The following ZNF687 variants were observed in gnomAD, a reference collection of about 807,000 sequenced individuals.
The protein encoded by ZNF687 is zinc finger protein 687.
Under a neutral mutation model 71.8 loss-of-function variants are expected in ZNF687, and 13 were observed. That is an observed-to-expected ratio of 0.18 (90% CI 0.12 to 0.29). The LOEUF is 0.29. ZNF687 is among the 10% of genes least tolerant of loss of function. The pLI is 1.00. For missense variants in ZNF687, 1,412 were observed against 1,625.6 expected, an observed-to-expected ratio of 0.87 and a Z score of 2.26; for synonymous variants, 673 against 641.6, an observed-to-expected ratio of 1.05 and a Z score of -0.74.
intron 1 of ZNF687, chr1:151,283,764 T>TGGGGGTGAG (rs1196334160): frequency 1.1e-6 from 1 of 923,564 alleles, no homozygotes; most frequent in Non-Finnish European, 1.3e-6. Flanking sequence ...TTGAATAGGG[T>TGGGGGTGAG]GGGGGTGAGG....
chr1:151,291,582 T>G lies in ZNF687; in HGVS notation c.*373T>G. ...CATGGATGGACACACCTCTCCACAA[T>G]TCCTTCAGGCATGGACTGGAACTTT... On this transcript the variant is annotated 3_prime_UTR_variant, in exon 9 of 9. Coordinates refer to ENST00000336715, the MANE Select transcript of ZNF687 (RefSeq NM_020832.3). 5.6e-6 allele frequency: 1 copy of G among 179,996 alleles called. No homozygotes were observed. The highest frequency in any genetic ancestry group is 1.2e-5 in the Non-Finnish European group (1 of 85,112). 11.1% of individuals were successfully genotyped at this position (179,996 alleles called of 1,614,324 possible).
At position 151,288,224 on chromosome 1, in the gene ZNF687, A is replaced by G; in HGVS notation, c.1933A>G (p.Ile645Val). Residue 645 changes from isoleucine to valine, a missense_variant, in exon 2 of 9, where the codon ATT (isoleucine) becomes GTT (valine). By Grantham distance (29) the Ile-to-Val change is conservative. Transcript: ENST00000336715. ...KGEGAITSSA[I>V]TTVAAEAPVL... is the part of the protein sequence containing the mutation. Reference sequence around the variant, plus strand: ...TGAGGGGGCCATCACCTCCTCTGCCATTACTACAGTTGCTGCTGAGGCCCC... The same window carrying G: ...TGAGGGGGCCATCACCTCCTCTGCCGTTACTACAGTTGCTGCTGAGGCCCC... The G allele has an allele frequency of 2.5e-6, 4 of 1,613,656 alleles. No homozygotes were observed. The highest frequency in any genetic ancestry group is 1.1e-5 in the South Asian group (1 of 91,068).
chr1:151,291,143 G>A lies in ZNF687; in HGVS notation c.3648G>A (p.Lys1216=), dbSNP rs1694228410. The A allele has an allele frequency of 3.7e-6, 6 of 1,613,156 alleles. No homozygotes were observed. Among genetic ancestry groups the A allele is most frequent in the East Asian group, 2.2e-5 (1 of 44,854 alleles). The change falls in exon 9 of 9, where the codon AAG becomes AAA. Residue 1216 remains lysine (K), a synonymous_variant. Transcript: ENST00000336715. ...GKSCDSPLNL[K]THFRTHGMAF... ...GCTGCGACAGCCCTCTAAACCTCAA[G>A]ACCCACTTCCGCACGCATGGCATGG...
At chr1:151,289,570 G>A (rs779643788) in intron 5 of ZNF687, 30 bp downstream of exon 5, 2 of 1,613,876 alleles carry the variant, frequency 1.2e-6, no homozygotes, top group African/African-American at 2.7e-5. Context: ...GGGAATGGGT[G>A]CTTAGCTGTA....
rs587609966 is a variant in ZNF687 at position 151,291,191 on chromosome 1, G to A, written c.3696G>A (p.Gly1232=). 3.4e-5 allele frequency: 54 copies of A among 1,611,032 alleles called. No individual in the cohort carries two copies. The Admixed American group carries it at 3.8e-4, about 11-fold the overall frequency. Residue 1232 remains glycine (G), a synonymous_variant, in exon 9 of 9, where the codon GGG becomes GGA. Coordinates refer to ENST00000336715, the MANE Select transcript of ZNF687 (RefSeq NM_020832.3). ...HGMAFIRARQ[G]AVGDN ...TGGCGTTCATCAGGGCTCGGCAGGG[G>A]GCTGTTGGGGACAACTAGTCTCCAA...
Position 151,287,778 on chromosome 1 carries a change from G to C in ZNF687, c.1487G>C (p.Ser496Thr), listed in dbSNP as rs1428841926. ...GGTVISRTQSSLVEAFNKILN... is the reference protein window; with the variant it reads ...GGTVISRTQSTLVEAFNKILN... Reference sequence around the variant, plus strand: ...ACAGTGATATCACGGACCCAGTCCAGCCTGGTGGAGGCCTTCAACAAGATC... The same window carrying C: ...ACAGTGATATCACGGACCCAGTCCACCCTGGTGGAGGCCTTCAACAAGATC... The change falls in exon 2 of 9, where the codon AGC (serine) becomes ACC (threonine). Residue 496 changes from serine to threonine, a missense_variant. This residue lies in a region of ZNF687 where 133 missense variants were observed against 155.1 expected (regional missense o/e 0.86). Transcript: ENST00000336715. This position sits in a 1 kb window ranked among gnomAD's most constrained non-coding sequence, Gnocchi z 5.0. The C allele has an allele frequency of 6.2e-7, 1 of 1,614,112 alleles. No individual in the cohort carries two copies. Among genetic ancestry groups the C allele is most frequent in the Non-Finnish European group, 8.5e-7 (1 of 1,180,022 alleles).
chr1:151,282,299 A>G lies in ZNF687; in HGVS notation c.-114A>G, dbSNP rs1693742803. On this transcript the variant is annotated 5_prime_UTR_variant, in exon 1 of 9. Transcript: ENST00000336715. ...TGGGGAGGCCGAACCGGAGAGAAGC[A>G]GGAAGTAGCGGCGGCCGCGGGGAGG... is the stretch of plus-strand genomic sequence containing the variant. The G allele has an allele frequency of 6.0e-6, 6 of 1,002,710 alleles. No homozygotes were observed. The highest frequency in any genetic ancestry group is 7.2e-6 in the Non-Finnish European group (6 of 837,806). 62.1% of individuals were successfully genotyped at this position (1,002,710 alleles called of 1,614,324 possible).
upstream of ZNF687, chr1:151,281,960 C>A (rs369920113): frequency 1.0e-5 from 12 of 1,181,542 alleles, no homozygotes; most frequent in Non-Finnish European, 1.2e-5. Flanking sequence ...GGGTGCTCCC[C>A]CTTCCAGTAG....
rs1694056445 is a variant in ZNF687 at position 151,288,542 on chromosome 1, C to T, written c.2130C>T (p.Cys710=). Residue 710 remains cysteine (C), a synonymous_variant, in exon 3 of 9, where the codon TGC becomes TGT. Coordinates refer to ENST00000336715, the MANE Select transcript of ZNF687 (RefSeq NM_020832.3). ...PGATSNVCPT[C]PMMLPNRCSF... ...CCACTCGACAGGTGTGCCCAACCTG[C>T]CCCATGATGCTCCCCAATCGCTGCA... 1.9e-5 allele frequency: 30 copies of T among 1,606,902 alleles called. No homozygotes were observed. The highest frequency in any genetic ancestry group is 2.5e-5 in the Non-Finnish European group (29 of 1,175,390).
Position 151,291,810 on chromosome 1 carries a change from G to C in ZNF687, c.*601G>C, listed in dbSNP as rs1213240962. ...AGGAGAGGAGGGGACAGGCTCTCAGGAATCCTTTATTCTTGTAGTAATAAT... is the reference window on the plus strand; with the variant it reads ...AGGAGAGGAGGGGACAGGCTCTCAGCAATCCTTTATTCTTGTAGTAATAAT... On this transcript the variant is annotated 3_prime_UTR_variant, in exon 9 of 9. Coordinates refer to ENST00000336715, the MANE Select transcript of ZNF687 (RefSeq NM_020832.3). 1 of 152,518 alleles carries C rather than the reference G, an allele frequency of 6.6e-6. No individual in the cohort carries two copies. The highest frequency in any genetic ancestry group is 2.4e-5 in the African/African-American group (1 of 41,396). 9.4% of individuals were successfully genotyped at this position (152,518 alleles called of 1,614,324 possible).
chr1:151,283,141 C>T, intron 1 of ZNF687: 13 of 985,456 alleles, frequency 1.3e-5, no homozygotes, highest in Non-Finnish European at 1.6e-5. Context: ...CCTCAGTTTC[C>T]CTTGTAGTTT....
rs587639001 is a variant in ZNF687, at chr1:151,291,404, C to T, written c.*195C>T. 3.0e-6 allele frequency: 2 copies of T among 671,294 alleles called. No homozygotes were observed. The highest frequency in any genetic ancestry group is 4.8e-6 in the Non-Finnish European group (2 of 412,480). 41.6% of individuals were successfully genotyped at this position (671,294 alleles called of 1,614,324 possible). On this transcript the variant is annotated 3_prime_UTR_variant, in exon 9 of 9. Transcript: ENST00000336715. The stretch of plus-strand genomic sequence containing the variant: ...TCCCTTTGGGTTTGGCCCTGGAGTC[C>T]TAGTAGAGTGGACCCTCCATTCCTC...
Position 151,285,876 on chromosome 1 carries a change from G to GT in ZNF687, c.-17-393dup, listed in dbSNP as rs1348198894. 3 of 155,274 alleles carry GT rather than the reference G, an allele frequency of 1.9e-5. No individual in the cohort carries two copies. The East Asian group carries it at 5.7e-4, about 29-fold the overall frequency. 9.6% of individuals were successfully genotyped at this position (155,274 alleles called of 1,614,324 possible). A position where few individuals can be genotyped will look rare whatever the true frequency, so the allele number is the denominator to read the frequency against. On this transcript the variant is annotated intron_variant, in intron 1 of 8. Transcript: ENST00000336715. Reference sequence around the variant, plus strand: ...AGGCATGTGCCACCACACCTGTCTAGTTTTTTGTATTTTTAGTAGAGACAA... The same window carrying GT: ...AGGCATGTGCCACCACACCTGTCTAGTTTTTTTGTATTTTTAGTAGAGACAA...
chr1:151,288,730 G>C (rs1557772319), intron 3 of ZNF687, 24 bp downstream of exon 3: 1 of 1,593,586 alleles, frequency 6.3e-7, no homozygotes, highest in East Asian at 2.2e-5. Flanking sequence ...TTCCTCCATA[G>C]AACTGTAGGG....
rs756153032 is a variant in ZNF687 at position 151,288,754 on chromosome 1, A to C, written c.2294+48A>C. On this transcript the variant is annotated intron_variant, in intron 3 of 8. Coordinates refer to ENST00000336715, the MANE Select transcript of ZNF687 (RefSeq NM_020832.3). Reference sequence around the variant, plus strand: ...AGAACTGTAGGGTTTCGTGTGTCCTAGCCTCAGCCTCAGATGGCCTTTCAA... The same window carrying C: ...AGAACTGTAGGGTTTCGTGTGTCCTCGCCTCAGCCTCAGATGGCCTTTCAA... The C allele has an allele frequency of 4.5e-6, 7 of 1,547,694 alleles. No individual in the cohort carries two copies. In the South Asian group the frequency reaches 8.5e-5, roughly 19 times the overall value.
At position 151,292,159 on chromosome 1, in the gene ZNF687, A is replaced by AAAATT. The variant is rs1453087444; in HGVS notation, c.*954_*958dup. On this transcript the variant is annotated 3_prime_UTR_variant, in exon 9 of 9. Transcript: ENST00000336715. ...CTAACTAAGGACTTTATTTCAAACA[A>AAAATT]AAATTAAAAATAAAAAATTGAGAGC... The AAAATT allele has an allele frequency of 1.3e-5, 2 of 152,326 alleles. No homozygotes were observed. Among genetic ancestry groups the AAAATT allele is most frequent in the South Asian group, 2.1e-4 (1 of 4,834 alleles). The allele number at this position is 152,326 out of a possible 1,614,324, so 9.4% of individuals were successfully genotyped here. A position where few individuals can be genotyped will look rare whatever the true frequency, so the allele number is the denominator to read the frequency against.
intron 3 of ZNF687, 100 bp downstream of exon 3, chr1:151,288,806 C>G: frequency 7.3e-7 from 1 of 1,366,174 alleles, no homozygotes; most frequent in Non-Finnish European, 1.0e-6. Flanking sequence ...TGCTATATCC[C>G]TCAGCCCTGT....
Position 151,286,865 on chromosome 1 carries a change from C to T in ZNF687, c.574C>T (p.Pro192Ser), listed in dbSNP as rs767096418. Residue 192 changes from proline to serine, a missense_variant, in exon 2 of 9, where the codon CCG (proline) becomes TCG (serine). Physicochemically the swap from Pro to Ser is moderately conservative, Grantham distance 74. Around this residue, in one of 8 missense-constraint regions of ZNF687, gnomAD observed 490 missense variants for 489.9 expected, o/e 1.00. Coordinates refer to ENST00000336715, the MANE Select transcript of ZNF687 (RefSeq NM_020832.3). ...TCCCACTCGGGAGGGGGCTCTGACC[C>T]CGCCTCCTTTCCCCTCTTCCTTTGA... Reference protein sequence around the residue: ...PSPTREGALTPPPFPSSFELA... With the variant: ...PSPTREGALTSPPFPSSFELA... 1 of 1,613,476 alleles carries T rather than the reference C, an allele frequency of 6.2e-7. No individual in the cohort carries two copies. Among genetic ancestry groups the T allele is most frequent in the African/African-American group, 1.3e-5 (1 of 75,050 alleles).
intron 1 of ZNF687, among the ~76,000 whole-genome samples, chr1:151,282,927 G>A (rs1486493462): frequency 6.6e-6 from 1 of 152,220 alleles, no homozygotes; most frequent in East Asian, 1.9e-4. Context: ...GAGGGGACGA[G>A]GTCCGAGTTG....
Sources: gnomAD v4.1 joint callset for allele counts (sites outside exome capture counted in the v4.1 genomes callset) on GRCh38, gnomAD v4.1.1 for gene constraint, gnomAD v4.1.1 regional missense constraint, Gnocchi (gnomAD v3.1) non-coding constraint, MANE v1.5 for transcripts, NCBI Gene and HGNC (gene_info 2026-07-23, HGNC 2026-07-21) for gene names.